The following ATP7B variants were observed in gnomAD, a reference collection of about 807,000 sequenced individuals.
The protein encoded by ATP7B is ATPase copper transporting beta.
In ATP7B, 113 loss-of-function variants were observed where a neutral mutation model predicts 118.9. That is an observed-to-expected ratio of 0.95 (90% confidence interval 0.82 to 1.11). ATP7B has a LOEUF of 1.11. ATP7B is among the 50% of genes most tolerant of loss of function. ATP7B has a pLI of 0.00. For synonymous variants in ATP7B, 777 were observed against 727.4 expected (o/e 1.07, Z -1.10); for missense variants, 1,867 against 1,871.4 (o/e 1.00, Z 0.04).
intron 1 of ATP7B, 36 bp from the exon 2 acceptor site, chr13:51,975,204 A>C: frequency 6.2e-7 from 1 of 1,608,788 alleles, no homozygotes; most frequent in Non-Finnish European, 8.5e-7. Context: ...TTAACCTTGA[A>C]ACCAAATATT....
chr13:51,962,571 G>A (rs1216226549), intron 5 of ATP7B, among the ~76,000 whole-genome samples: 1 of 152,184 alleles, frequency 6.6e-6, no homozygotes, highest in Non-Finnish European at 1.5e-5. Flanking sequence ...CTGGTGCTGG[G>A]ACTTTTACAC....
At chr13:51,955,417 G>C (rs759676064) in intron 9 of ATP7B, among the ~76,000 whole-genome samples, 7 of 152,238 alleles carry the variant, frequency 4.6e-5, no homozygotes, top group Non-Finnish European at 7.3e-5. Flanking sequence ...GCCAAAGGCA[G>C]AATGAACTCT....
chr13:51,939,965 C>T (rs1267538875), intron 16 of ATP7B, among the ~76,000 whole-genome samples: 1 of 148,606 alleles, frequency 6.7e-6, no homozygotes, highest in African/African-American at 2.5e-5. Flanking sequence ...GATGTAAAGC[C>T]CAGGATAGAA....
At position 51,954,653 on chromosome 13, in the gene ATP7B, C is replaced by A. The variant is rs149812373; in HGVS notation, c.2447+2863G>T. ...GCAGACAGGCATTGTAGAGGACACA[C>A]TGGGAGCTGGCATGAGGGTACCTTT... On this transcript the variant is annotated intron_variant, in intron 9 of 20. Coordinates refer to ENST00000242839, the MANE Select transcript of ATP7B (RefSeq NM_000053.4). Among the ~76,000 whole-genome samples the A allele has an allele frequency of 4.7e-3, 718 of 152,270 alleles. 3 individuals carry two copies. Among genetic ancestry groups the A allele is most frequent in the Non-Finnish European group, 7.7e-3 (521 of 68,020 alleles).
At chr13:52,004,131 A>G (rs1320674232) in intron 1 of ATP7B, among the ~76,000 whole-genome samples, 1 of 152,136 alleles carries the variant, frequency 6.6e-6, no homozygotes, top group Non-Finnish European at 1.5e-5. Context: ...GCATGGTGGC[A>G]CATGCCTGTA....
At chr13:51,998,258 C>A (rs1953313281) in intron 1 of ATP7B, among the ~76,000 whole-genome samples, 2 of 152,162 alleles carry the variant, frequency 1.3e-5, no homozygotes, top group Admixed American at 1.3e-4. Flanking sequence ...CAGCTCAGTC[C>A]ACACTTGTTA....
At chr13:52,004,349 T>C (rs1313855623) in intron 1 of ATP7B, among the ~76,000 whole-genome samples, 1 of 152,230 alleles carries the variant, frequency 6.6e-6, no homozygotes, top group Non-Finnish European at 1.5e-5. Flanking sequence ...CACCAACAAC[T>C]GTTTTAGGCC....
At chr13:51,989,525 C>G (rs1306983288) in intron 1 of ATP7B, among the ~76,000 whole-genome samples, 2 of 150,826 alleles carry the variant, frequency 1.3e-5, no homozygotes, top group African/African-American at 2.4e-5. Flanking sequence ...ATATCTGACA[C>G]TTGCCTAAAA....
chr13:51,984,208 G>A (rs1350193966), intron 1 of ATP7B, among the ~76,000 whole-genome samples: 2 of 152,110 alleles, frequency 1.3e-5, no homozygotes, highest in African/African-American at 4.8e-5. Context: ...AATCAGTTTA[G>A]AGAGGAACAT....
intron 3 of ATP7B, 63 bp from the exon 4 acceptor site, chr13:51,968,670 C>T (rs1368811656): frequency 1.3e-6 from 2 of 1,567,156 alleles, no homozygotes; most frequent in East Asian, 4.5e-5. Flanking sequence ...TTGACACAGT[C>T]AATATAACCG....
intron 9 of ATP7B, among the ~76,000 whole-genome samples, chr13:51,952,183 C>G (rs751648734): frequency 6.6e-6 from 1 of 152,182 alleles, no homozygotes; most frequent in Non-Finnish European, 1.5e-5. Context: ...GACAGAGATG[C>G]TGCGGGGGGA....
At chr13:51,962,509 T>C (rs937015027) in intron 5 of ATP7B, among the ~76,000 whole-genome samples, 15 of 152,316 alleles carry the variant, frequency 9.8e-5, no homozygotes, top group East Asian at 7.7e-4. Flanking sequence ...CAGGAAAAAC[T>C]GCCACGAATG....
At chr13:51,975,218 T>C in intron 1 of ATP7B, 50 bp from the exon 2 acceptor site, 1 of 1,596,818 alleles carries the variant, frequency 6.3e-7, no homozygotes, top group Admixed American at 1.7e-5. Flanking sequence ...AAATATTTTC[T>C]ACAACATCCC....
At chr13:51,935,462 T>C (rs539905181) in intron 20 of ATP7B, 131 bp downstream of exon 20, 17 of 1,000,116 alleles carry the variant, frequency 1.7e-5, no homozygotes, top group South Asian at 1.1e-4. Flanking sequence ...AGGCTCCATG[T>C]GGGCTGCCAC....
intron 15 of ATP7B, 29 bp downstream of exon 15, chr13:51,942,357 C>T (rs370823890): frequency 1.2e-6 from 2 of 1,613,202 alleles, no homozygotes; most frequent in Non-Finnish European, 1.7e-6. Context: ...CTACTTTTAA[C>T]CAGCTGCAGA....
chr13:51,956,094 G>T (rs1958329818), intron 9 of ATP7B, among the ~76,000 whole-genome samples: 1 of 152,236 alleles, frequency 6.6e-6, no homozygotes, highest in African/African-American at 2.4e-5. Context: ...AGTGAGCCTG[G>T]AACACCAGAA....
At chr13:51,981,529 C>T (rs1166830538) in intron 1 of ATP7B, among the ~76,000 whole-genome samples, 1 of 152,192 alleles carries the variant, frequency 6.6e-6, no homozygotes, top group African/African-American at 2.4e-5. Flanking sequence ...CTTGCTCGGC[C>T]TTATCTAAGA....
rs577496746 is a variant in ATP7B at position 52,008,694 on chromosome 13, G to A, written c.51+2593C>T. The stretch of plus-strand genomic sequence containing the variant: ...ATATATTTCTTCTTATCACATGACT[G>A]CCGTAGGACTCTCACACTTTATGGT... On this transcript the variant is annotated intron_variant, in intron 1 of 20. Coordinates refer to ENST00000242839, the MANE Select transcript of ATP7B (RefSeq NM_000053.4). Among the ~76,000 whole-genome samples, 3 of 152,222 alleles carry A rather than the reference G, an allele frequency of 2.0e-5. No individual in the cohort carries two copies. In the East Asian group the frequency reaches 5.8e-4, roughly 29 times the overall value.
chr13:51,961,862 A>G lies in ATP7B; in HGVS notation c.1921T>C (p.Leu641=). 6.2e-7 allele frequency: 1 copy of G among 1,613,998 alleles called. No homozygotes were observed. Among genetic ancestry groups the G allele is most frequent in the Admixed American group, 1.7e-5 (1 of 60,024 alleles). The change falls in exon 6 of 21, where the codon TTG becomes CTG. Residue 641 remains leucine (L), a synonymous_variant. Coordinates refer to ENST00000242839, the MANE Select transcript of ATP7B (RefSeq NM_000053.4). ...TGCTTTATTTCCATCTTGTGGTCCA[A>G]GTGATGAGCGTTGGGGTTTCTCTGG... ...LAQRNPNAHH[L]DHKMEIKQWK... is the part of the protein sequence containing the mutation.
Sources: gnomAD v4.1 joint callset for allele counts (sites outside exome capture counted in the v4.1 genomes callset) on GRCh38, gnomAD v4.1.1 for gene constraint, MANE v1.5 for transcripts, NCBI Gene and HGNC (gene_info 2026-07-23, HGNC 2026-07-21) for gene names.